CNOT4: variants seen among roughly 807,000 people sequenced by gnomAD.
The protein encoded by CNOT4 is CCR4-associated factor 4.
In CNOT4, 8 loss-of-function variants were observed where a neutral mutation model predicts 73.8. The observed-to-expected ratio is 0.11, with a 90% confidence interval of 0.06 to 0.20. The LOEUF (loss-of-function observed/expected upper bound fraction) is 0.20, where lower values mean the gene tolerates loss of function less well. CNOT4 is among the 10% of genes least tolerant of loss of function. The pLI, the probability that CNOT4 is intolerant of heterozygous loss-of-function variation, is 1.00. For missense variants in CNOT4, 564 were observed against 883.4 expected, an observed-to-expected ratio of 0.64 and a Z score of 4.58; for synonymous variants, 293 against 321.1, an observed-to-expected ratio of 0.91 and a Z score of 0.94.
chr7:135,447,664 C>T (rs1799913325), intron 1 of CNOT4, among the ~76,000 whole-genome samples: 3 of 152,164 alleles, frequency 2.0e-5, no homozygotes, highest in Admixed American at 2.0e-4. Context: ...ATGGAACTGA[C>T]TTCATTTGCA....
intron 7 of CNOT4, among the ~76,000 whole-genome samples, chr7:135,406,702 CT>C (rs1797308017): frequency 6.6e-6 from 1 of 151,982 alleles, no homozygotes; most frequent in African/African-American, 2.4e-5. Flanking sequence ...GTAGCACTGG[CT>C]TTGGGCAAAA....
At chr7:135,377,401 T>C (rs553712181) in intron 10 of CNOT4, among the ~76,000 whole-genome samples, 1 of 152,330 alleles carries the variant, frequency 6.6e-6, no homozygotes, top group South Asian at 2.1e-4. Flanking sequence ...GTGCATGTGA[T>C]GGGGCAGGGA....
chr7:135,380,038 G>A (rs1795752132), intron 10 of CNOT4, among the ~76,000 whole-genome samples: 1 of 152,066 alleles, frequency 6.6e-6, no homozygotes, highest in Non-Finnish European at 1.5e-5. Flanking sequence ...TTTCTTCTTG[G>A]AGATAGTGAT....
intron 7 of CNOT4, among the ~76,000 whole-genome samples, chr7:135,404,910 A>G (rs10278289): frequency 0.11 from 17,310 of 152,262 alleles, 1,165 homozygotes; most frequent in African/African-American, 0.18. Context: ...CTGTCTTCAG[A>G]TAACAAGCCT....
At chr7:135,478,902 A>G (rs1439235101) in intron 1 of CNOT4, among the ~76,000 whole-genome samples, 1 of 152,192 alleles carries the variant, frequency 6.6e-6, no homozygotes, top group African/African-American at 2.4e-5. Flanking sequence ...ACAACTTTTA[A>G]AAGGATTGAA....
chr7:135,405,409 C>T (rs2129483844), intron 7 of CNOT4, among the ~76,000 whole-genome samples: 1 of 152,274 alleles, frequency 6.6e-6, no homozygotes, highest in East Asian at 1.9e-4. Flanking sequence ...GTCTTGGGCA[C>T]AGCAGCCTAC....
chr7:135,495,683 AAAAAAAAAAAG>A (rs1803463847), intron 1 of CNOT4, among the ~76,000 whole-genome samples: 1 of 97,248 alleles, frequency 1.0e-5, no homozygotes, highest in South Asian at 3.4e-4. Flanking sequence ...AAAAAAAAAA[AAAAAAAAAAAG>A]AAAGAAAGAA....
chr7:135,488,056 G>A (rs1802853206), intron 1 of CNOT4, among the ~76,000 whole-genome samples: 1 of 150,972 alleles, frequency 6.6e-6, no homozygotes, highest in Non-Finnish European at 1.5e-5. Flanking sequence ...GTGAGACTCC[G>A]AGACTCCGTC....
At chr7:135,431,860 T>C (rs1444225282) in intron 2 of CNOT4, among the ~76,000 whole-genome samples, 1 of 152,162 alleles carries the variant, frequency 6.6e-6, no homozygotes, top group African/African-American at 2.4e-5. Flanking sequence ...CTAAAGAAAT[T>C]TTAAAACATG....
rs551920317 is a variant in CNOT4, at chr7:135,378,079, A to G, written c.1628-14013T>C. Among the ~76,000 whole-genome samples the G allele has an allele frequency of 5.9e-5, 9 of 152,336 alleles. No homozygotes were observed. In the South Asian group the frequency reaches 1.7e-3, roughly 28 times the overall value. On this transcript the variant is annotated intron_variant, in intron 10 of 11. Transcript: ENST00000541284. ...TAGAATTGCCTTAGAAGTTGGGGGA[A>G]CTGAGTAATGCCCAAGTTTTACAAT...
At chr7:135,488,304 CTGAA>C (rs1388437577) in intron 1 of CNOT4, among the ~76,000 whole-genome samples, 1 of 152,154 alleles carries the variant, frequency 6.6e-6, no homozygotes, top group African/African-American at 2.4e-5. Context: ...ACGACTGGTA[CTGAA>C]TGGTACGATT....
intron 10 of CNOT4, chr7:135,387,532 A>C: frequency 1.8e-5 from 17 of 970,100 alleles, no homozygotes; most frequent in Non-Finnish European, 1.8e-5. Context: ...TCTTTTTTGT[A>C]TTCACATTAT....
chr7:135,489,471 C>A (rs1052652914), intron 1 of CNOT4, among the ~76,000 whole-genome samples: 1 of 146,724 alleles, frequency 6.8e-6, no homozygotes, highest in African/African-American at 2.5e-5. Flanking sequence ...TCTCAGCTCA[C>A]TGCAACCTCC....
At chr7:135,487,448 C>T (rs1802802653) in intron 1 of CNOT4, among the ~76,000 whole-genome samples, 1 of 151,822 alleles carries the variant, frequency 6.6e-6, no homozygotes, top group Non-Finnish European at 1.5e-5. Context: ...GTATGTTTCC[C>T]AGGCTTGTCT....
intron 7 of CNOT4, among the ~76,000 whole-genome samples, chr7:135,408,865 C>T (rs1436348295): frequency 6.6e-6 from 1 of 152,150 alleles, no homozygotes; most frequent in Non-Finnish European, 1.5e-5. Flanking sequence ...TATTGGAGGG[C>T]ATGCTGTACA....
At chr7:135,388,695 G>A (rs1368045372) in intron 10 of CNOT4, 1 of 1,478,490 alleles carries the variant, frequency 6.8e-7, no homozygotes, top group Non-Finnish European at 9.1e-7. Flanking sequence ...GGCTCTTCTG[G>A]GTGTATACAT....
intron 1 of CNOT4, among the ~76,000 whole-genome samples, chr7:135,473,045 A>G (rs1011313816): frequency 1.3e-5 from 2 of 152,046 alleles, no homozygotes; most frequent in African/African-American, 4.8e-5. Context: ...TGTCTCAAAA[A>G]AAAAAAATAC....
intron 1 of CNOT4, among the ~76,000 whole-genome samples, chr7:135,466,169 A>AT (rs990281904): frequency 6.6e-5 from 10 of 151,784 alleles, no homozygotes; most frequent in African/African-American, 2.4e-4. Flanking sequence ...AAAAGTTAAA[A>AT]TTTTTTTTAA....
chr7:135,431,267 TA>T (rs1212277768), intron 2 of CNOT4, among the ~76,000 whole-genome samples: 1 of 152,132 alleles, frequency 6.6e-6, no homozygotes, highest in African/African-American at 2.4e-5. Context: ...ACCTTGTCTC[TA>T]AAAAAATTTT....
Sources: gnomAD v4.1 joint callset for allele counts (sites outside exome capture counted in the v4.1 genomes callset) on GRCh38, gnomAD v4.1.1 for gene constraint, MANE v1.5 for transcripts, NCBI Gene and HGNC (gene_info 2026-07-23, HGNC 2026-07-21) for gene names.